DLG2: variants seen among roughly 807,000 people sequenced by gnomAD.
DLG2 encodes disks large homolog 2.
A neutral mutation model predicts 132.5 loss-of-function variants in DLG2; 45 were observed. The ratio of observed to expected loss-of-function variants is 0.34; its 90% CI spans 0.27 to 0.44. The LOEUF is 0.44. Among genes scored for constraint, DLG2 ranks in the 20% least tolerant of loss-of-function variants. The probability of loss-of-function intolerance (pLI) is 1.00; values close to 1 mark genes in which losing one functional copy is unlikely to be tolerated. For synonymous variants in DLG2, 424 were observed against 419.6 expected, an observed-to-expected ratio of 1.01 and a Z score of -0.13; for missense variants, 1,045 against 1,196.9, an observed-to-expected ratio of 0.87 and a Z score of 1.87.
intron 6 of DLG2, among the ~76,000 whole-genome samples, chr11:84,944,868 G>T (rs187534520): frequency 6.6e-6 from 1 of 152,186 alleles, no homozygotes; most frequent in Admixed American, 6.5e-5. Context: ...CTCCCAAAGT[G>T]CTGGGATTAC....
intron 3 of DLG2, among the ~76,000 whole-genome samples, chr11:85,543,346 A>G (rs1598400188): frequency 6.6e-6 from 1 of 152,186 alleles, no homozygotes; most frequent in African/African-American, 2.4e-5. Flanking sequence ...TTAGTATTCC[A>G]TGGTGTACAT....
chr11:84,570,541 T>G (rs2099478113), intron 6 of DLG2, among the ~76,000 whole-genome samples: 1 of 152,186 alleles, frequency 6.6e-6, no homozygotes, highest in South Asian at 2.1e-4. Context: ...TGTTGCATAG[T>G]AAGTACCATC....
chr11:85,412,760 C>CACACATATATATATAT (rs756868795), intron 3 of DLG2, among the ~76,000 whole-genome samples: 28 of 113,234 alleles, frequency 2.5e-4, no homozygotes, highest in Non-Finnish European at 4.6e-4. Context: ...CACACACACA[C>CACACATATATATATAT]ATATATATAT....
intron 7 of DLG2, among the ~76,000 whole-genome samples, chr11:84,298,623 G>A (rs1410374244): frequency 1.3e-5 from 2 of 152,240 alleles, no homozygotes; most frequent in Non-Finnish European, 2.9e-5. Flanking sequence ...AAACAGACCT[G>A]TAAGTAACTA....
At chr11:84,451,551 G>A (rs1007192584) in intron 7 of DLG2, among the ~76,000 whole-genome samples, 1 of 151,708 alleles carries the variant, frequency 6.6e-6, no homozygotes, top group African/African-American at 2.4e-5. Context: ...GGAAAACTCG[G>A]GAGTATATAT....
chr11:84,313,268 C>G (rs1277000900), intron 7 of DLG2, among the ~76,000 whole-genome samples: 1 of 151,934 alleles, frequency 6.6e-6, no homozygotes, highest in Non-Finnish European at 1.5e-5. Flanking sequence ...GTGTGCACCA[C>G]TACGCCGGGC....
At chr11:83,856,996 T>C (rs1357088256) in intron 16 of DLG2, among the ~76,000 whole-genome samples, 2 of 152,232 alleles carry the variant, frequency 1.3e-5, no homozygotes, top group African/African-American at 4.8e-5. Context: ...TGATTTATTT[T>C]TGTATCTGGT....
intron 3 of DLG2, among the ~76,000 whole-genome samples, chr11:85,434,144 A>T (rs149025466): frequency 6.8e-4 from 103 of 152,284 alleles, no homozygotes; most frequent in African/African-American, 2.4e-3. Flanking sequence ...AAGAAAACAT[A>T]CCAGAATCTC....
intron 3 of DLG2, among the ~76,000 whole-genome samples, chr11:85,497,417 C>T (rs72953956): frequency 6.6e-6 from 1 of 151,760 alleles, no homozygotes; most frequent in Non-Finnish European, 1.5e-5. Context: ...TCCAAGAAAT[C>T]TGGAACTACG....
intron 9 of DLG2, among the ~76,000 whole-genome samples, chr11:84,111,714 C>T (rs1436983878): frequency 1.3e-5 from 2 of 152,154 alleles, no homozygotes; most frequent in Non-Finnish European, 2.9e-5. Context: ...ATTCTGCAAA[C>T]CAAATAAAAG....
At chr11:84,933,723 CTT>C (rs895631461) in intron 6 of DLG2, among the ~76,000 whole-genome samples, 17 of 152,200 alleles carry the variant, frequency 1.1e-4, no homozygotes, top group African/African-American at 4.1e-4. Context: ...TATCCTGAGA[CTT>C]TGCTGAAGTT....
intron 18 of DLG2, among the ~76,000 whole-genome samples, chr11:83,743,084 A>C (rs977594786): frequency 2.0e-5 from 3 of 152,212 alleles, no homozygotes; most frequent in Non-Finnish European, 4.4e-5. Flanking sequence ...GATCTATCCA[A>C]CCAAGACTAG....
chr11:84,450,173 C>T (rs895536159), intron 7 of DLG2, among the ~76,000 whole-genome samples: 4 of 151,820 alleles, frequency 2.6e-5, no homozygotes, highest in Admixed American at 2.0e-4. Context: ...GTTTGCTTCT[C>T]ACTTGCTTCC....
intron 17 of DLG2, among the ~76,000 whole-genome samples, chr11:83,833,114 C>T (rs926317929): frequency 2.6e-5 from 4 of 152,150 alleles, no homozygotes; most frequent in African/African-American, 9.7e-5. Context: ...GTAAGTGCCA[C>T]AAGCATCAAG....
chr11:84,960,554 G>A (rs2052402479), intron 6 of DLG2, among the ~76,000 whole-genome samples: 1 of 151,630 alleles, frequency 6.6e-6, no homozygotes, highest in Non-Finnish European at 1.5e-5. Context: ...TCCTGCCTCA[G>A]CCTCCCGAGT....
At chr11:83,852,434 C>T (rs2059936086) in intron 16 of DLG2, among the ~76,000 whole-genome samples, 1 of 152,094 alleles carries the variant, frequency 6.6e-6, no homozygotes, top group Non-Finnish European at 1.5e-5. Context: ...CAAAGCTTTC[C>T]ATAAACCTCA....
chr11:84,431,366 C>T (rs576491523), intron 7 of DLG2, among the ~76,000 whole-genome samples: 12 of 152,122 alleles, frequency 7.9e-5, no homozygotes, highest in Non-Finnish European at 1.8e-4. Flanking sequence ...AATAATCTCA[C>T]TGGGTCTTTA....
chr11:83,648,561 AC>A (rs2068982239), intron 18 of DLG2, among the ~76,000 whole-genome samples: 1 of 152,200 alleles, frequency 6.6e-6, no homozygotes. Flanking sequence ...ACCAAGTAAA[AC>A]TGAGGTGTCA....
intron 16 of DLG2, among the ~76,000 whole-genome samples, chr11:83,834,380 G>T (rs910061205): frequency 6.6e-6 from 1 of 152,190 alleles, no homozygotes; most frequent in Non-Finnish European, 1.5e-5. Context: ...GAATCCAGCT[G>T]TGAGGAAGTC....
Sources: allele counts gnomAD v4.1 joint callset (sites outside exome capture counted in the v4.1 genomes callset), GRCh38; gene constraint gnomAD v4.1.1; transcripts MANE v1.5; gene names NCBI Gene and HGNC (gene_info 2026-07-23, HGNC 2026-07-21).